FNDC3B: variants seen among roughly 807,000 people sequenced by gnomAD.
FNDC3B encodes fibronectin type III domain-containing protein 3B.
A neutral mutation model predicts 151.5 loss-of-function variants in FNDC3B; 12 were observed. That is an observed-to-expected ratio of 0.08 (90% CI 0.05 to 0.13). FNDC3B has a LOEUF of 0.13. Among genes scored for constraint, FNDC3B ranks in the 10% least tolerant of loss-of-function variants. The pLI is 1.00. For missense variants in FNDC3B, 1,214 were observed against 1,505.3 expected, an observed-to-expected ratio of 0.81 and a Z score of 3.20; for synonymous variants, 528 against 549.0, an observed-to-expected ratio of 0.96 and a Z score of 0.54.
At chr3:172,172,973 T>C (rs1376314192) in intron 3 of FNDC3B, among the ~76,000 whole-genome samples, 2 of 152,230 alleles carry the variant, frequency 1.3e-5, no homozygotes, top group East Asian at 1.9e-4. Context: ...TGGGCACTTA[T>C]ATTAATTTAG....
chr3:172,282,652 A>G (rs1156986790), intron 6 of FNDC3B, among the ~76,000 whole-genome samples: 1 of 152,190 alleles, frequency 6.6e-6, no homozygotes, highest in Non-Finnish European at 1.5e-5. Context: ...AAACCTTCCC[A>G]TAGGACTGAG....
rs146446713 is a variant in FNDC3B, at chr3:172,273,200, C to T, written c.791-12726C>T. ...CACAATAAGTAGGAAATGGTTTTAC[C>T]TTTCGTTCAAAATGTAGAAATATAT... On this transcript the variant is annotated intron_variant, in intron 6 of 25. Coordinates refer to ENST00000415807, the MANE Select transcript of FNDC3B (RefSeq NM_022763.4). Among the ~76,000 whole-genome samples, 46 of 152,268 alleles carry T rather than the reference C, an allele frequency of 3.0e-4. No individual in the cohort carries two copies. In the East Asian group the frequency reaches 5.8e-3, roughly 19 times the overall value.
chr3:172,265,768 G>A (rs1048691986), intron 6 of FNDC3B, among the ~76,000 whole-genome samples: 9 of 152,124 alleles, frequency 5.9e-5, no homozygotes, highest in Non-Finnish European at 1.3e-4. Context: ...AGTCTTCAGG[G>A]AATGTTTTCA....
At chr3:172,384,243 G>A (rs1030562550) in intron 25 of FNDC3B, among the ~76,000 whole-genome samples, 4 of 152,180 alleles carry the variant, frequency 2.6e-5, no homozygotes, top group African/African-American at 9.7e-5. Flanking sequence ...ACATCTACCA[G>A]TGTCGATTAA....
intron 23 of FNDC3B, among the ~76,000 whole-genome samples, chr3:172,366,605 A>C (rs756378892): frequency 6.6e-6 from 1 of 152,232 alleles, no homozygotes; most frequent in Non-Finnish European, 1.5e-5. Flanking sequence ...CCCTGCCCTT[A>C]AGGAACTCAC....
At chr3:172,146,975 G>A (rs897144715) in intron 3 of FNDC3B, among the ~76,000 whole-genome samples, 1 of 152,092 alleles carries the variant, frequency 6.6e-6, no homozygotes, top group South Asian at 2.1e-4. Context: ...AAGTTGATTG[G>A]AACAGGTATG....
chr3:172,287,386 C>A (rs977479983), intron 7 of FNDC3B, among the ~76,000 whole-genome samples: 1 of 151,938 alleles, frequency 6.6e-6, no homozygotes, highest in Non-Finnish European at 1.5e-5. Flanking sequence ...TGCTGAGGAG[C>A]GAGGAGGAAC....
chr3:172,352,731 G>A lies in FNDC3B; in HGVS notation c.2515-72G>A. Reference sequence around the variant, plus strand: ...TGTACTACTTTAGATTTATTTAATGGCAGCTAACTCAGAGGCATCAAAATG... The same window carrying A: ...TGTACTACTTTAGATTTATTTAATGACAGCTAACTCAGAGGCATCAAAATG... On this transcript the variant is annotated intron_variant, in intron 21 of 25. Transcript: ENST00000415807. The surrounding 1 kb of genome is among the most constrained non-coding windows in gnomAD (Gnocchi z 4.2). 7.0e-7 allele frequency: 1 copy of A among 1,434,868 alleles called. No individual in the cohort carries two copies. The highest frequency in any genetic ancestry group is 9.5e-7 in the Non-Finnish European group (1 of 1,057,172). 88.9% of individuals were successfully genotyped at this position (1,434,868 alleles called of 1,614,324 possible).
At chr3:172,287,655 C>T (rs1276205225) in intron 7 of FNDC3B, among the ~76,000 whole-genome samples, 1 of 152,204 alleles carries the variant, frequency 6.6e-6, no homozygotes, top group Non-Finnish European at 1.5e-5. Flanking sequence ...ATAGTCGCTT[C>T]TTAATCATGT....
Position 172,112,569 on chromosome 3 carries a change from G to T in FNDC3B, c.90G>T (p.Val30=). The T allele has an allele frequency of 1.2e-6, 2 of 1,613,198 alleles. No individual in the cohort carries two copies. The highest frequency in any genetic ancestry group is 1.7e-6 in the Non-Finnish European group (2 of 1,179,106). Residue 30 remains valine (V), a synonymous_variant, in exon 2 of 26, where the codon GTG becomes GTT. Transcript: ENST00000415807. ...AGGTAGCCATGATGCCCCACTTGGT[G>T]AATGGAGATGCAGCTCAGCAGGTTG... The part of the protein sequence containing the change: ...NGEVAMMPHL[V]NGDAAQQVIL...
intron 3 of FNDC3B, among the ~76,000 whole-genome samples, chr3:172,143,206 A>G (rs1327983699): frequency 6.6e-6 from 1 of 152,182 alleles, no homozygotes; most frequent in Admixed American, 6.5e-5. Context: ...TGTTGTTCTG[A>G]AAAGGTAGTT....
At position 172,192,180 on chromosome 3, in the gene FNDC3B, T is replaced by TG. The variant is rs565104168; in HGVS notation, c.188-34691_188-34690insG. ...TTTTTTTTGTGTGTGTTTTTTGTTTTTTTTTTTTTTGAGAGGGAGTCTTGC... is the reference window on the plus strand; with the variant it reads ...TTTTTTTTGTGTGTGTTTTTTGTTTTGTTTTTTTTTTGAGAGGGAGTCTTGC... On this transcript the variant is annotated intron_variant, in intron 3 of 25. Coordinates refer to ENST00000415807, the MANE Select transcript of FNDC3B (RefSeq NM_022763.4). Among the ~76,000 whole-genome samples, 544 of 148,360 alleles carry TG rather than the reference T, an allele frequency of 3.7e-3. 5 individuals are homozygous for TG. Among genetic ancestry groups the TG allele is most frequent in the Non-Finnish European group, 6.2e-3 (417 of 67,170 alleles).
intron 1 of FNDC3B, among the ~76,000 whole-genome samples, chr3:172,057,640 G>A (rs1716979953): frequency 6.6e-6 from 1 of 151,438 alleles, no homozygotes; most frequent in African/African-American, 2.4e-5. Context: ...GAGAGTGAAT[G>A]AGCTAGTGTT....
At position 172,251,327 on chromosome 3, in the gene FNDC3B, C is replaced by CA; in HGVS notation, c.582dup (p.Leu195ThrfsTer36). 6.2e-7 allele frequency: 1 copy of CA among 1,613,954 alleles called. No individual in the cohort carries two copies. The highest frequency in any genetic ancestry group is 2.2e-5 in the East Asian group (1 of 44,872). ...AAGACCAGTACAGCAAGCCTCCGCA[C>CA]AAAAAACTGAAAGACCGCCAGATCG... On this transcript the variant is annotated frameshift_variant, in exon 6 of 26. Coordinates refer to ENST00000415807, the MANE Select transcript of FNDC3B (RefSeq NM_022763.4). LOFTEE classifies it high-confidence loss of function.
chr3:172,116,404 G>A (rs529512137), intron 2 of FNDC3B, among the ~76,000 whole-genome samples: 122 of 152,146 alleles, frequency 8.0e-4, no homozygotes, highest in Non-Finnish European at 1.1e-3. Flanking sequence ...ACCCTAGAGG[G>A]ATCACTCCCT....
At chr3:172,224,456 G>C (rs1480176072) in intron 3 of FNDC3B, among the ~76,000 whole-genome samples, 1 of 152,272 alleles carries the variant, frequency 6.6e-6, no homozygotes, top group East Asian at 1.9e-4. Context: ...GAGTGATTTG[G>C]TATATTATCC....
intron 1 of FNDC3B, among the ~76,000 whole-genome samples, chr3:172,087,805 A>G (rs765170394): frequency 2.1e-4 from 32 of 152,190 alleles, no homozygotes; most frequent in African/African-American, 6.5e-4. Context: ...TAAGAATTCA[A>G]TGCTTCTCCA....
chr3:172,189,182 A>G (rs1330295439), intron 3 of FNDC3B, among the ~76,000 whole-genome samples: 1 of 152,248 alleles, frequency 6.6e-6, no homozygotes, highest in African/African-American at 2.4e-5. Flanking sequence ...ATTTATAAAA[A>G]TGTAAGTTGC....
chr3:172,224,723 GTATTTC>G (rs142707706), intron 3 of FNDC3B, among the ~76,000 whole-genome samples: 15,752 of 152,144 alleles, frequency 0.1, 1,461 homozygotes, highest in African/African-American at 0.25. Context: ...ATAAAGTGTT[GTATTTC>G]TCTTGGTTTT....
Sources: allele counts gnomAD v4.1 joint callset (sites outside exome capture counted in the v4.1 genomes callset), GRCh38; gene constraint gnomAD v4.1.1; non-coding constraint Gnocchi (gnomAD v3.1); transcripts MANE v1.5; gene names NCBI Gene and HGNC (gene_info 2026-07-23, HGNC 2026-07-21).